KIAA0586: variants seen among roughly 807,000 people sequenced by gnomAD.
KIAA0586 encodes the protein KIAA0586.
In KIAA0586, 144 loss-of-function variants were observed where a neutral mutation model predicts 169.8. The observed-to-expected ratio is 0.85, with a 90% confidence interval of 0.74 to 0.97. The LOEUF is 0.97. KIAA0586 is among the 50% of genes least tolerant of loss of function. The pLI, the probability that KIAA0586 is intolerant of heterozygous loss-of-function variation, is 0.00. For missense variants in KIAA0586, 1,854 were observed against 1,823.0 expected (o/e 1.02, Z -0.31); for synonymous variants, 625 against 612.4 (o/e 1.02, Z -0.30).
At chr14:58,526,118 C>T (rs898182863) in intron 29 of KIAA0586, among the ~76,000 whole-genome samples, 5 of 152,210 alleles carry the variant, frequency 3.3e-5, no homozygotes, top group East Asian at 3.9e-4. Context: ...TGGGAAGGGG[C>T]GGCTGTGGGT....
chr14:58,465,097 C>T (rs2040642541), intron 14 of KIAA0586, among the ~76,000 whole-genome samples: 1 of 152,090 alleles, frequency 6.6e-6, no homozygotes, highest in Admixed American at 6.6e-5. Flanking sequence ...TTTTTAAATA[C>T]TTATGAATTG....
At chr14:58,540,240 T>C in intron 30 of KIAA0586, 104 bp downstream of exon 30, 3 of 632,166 alleles carry the variant, frequency 4.7e-6, no homozygotes, top group South Asian at 4.5e-5. Context: ...GAAATACTAA[T>C]AGCAATTTTT....
intron 29 of KIAA0586, among the ~76,000 whole-genome samples, chr14:58,514,211 T>A (rs929569185): frequency 1.3e-5 from 2 of 152,110 alleles, no homozygotes; most frequent in Non-Finnish European, 2.9e-5. Flanking sequence ...GTGGGTTTTA[T>A]TATTTTTTTT....
At chr14:58,497,617 C>T (rs1268865021) in intron 26 of KIAA0586, among the ~76,000 whole-genome samples, 1 of 151,814 alleles carries the variant, frequency 6.6e-6, no homozygotes, top group East Asian at 1.9e-4. Context: ...CCCGCCTTGA[C>T]CTCCCAAAGT....
At chr14:58,533,770 TA>T (rs1211401313) in intron 29 of KIAA0586, among the ~76,000 whole-genome samples, 1 of 152,192 alleles carries the variant, frequency 6.6e-6, no homozygotes, top group African/African-American at 2.4e-5. Context: ...GACTGGCCCT[TA>T]TTCCCACTGG....
chr14:58,532,616 A>G (rs1259024207), intron 29 of KIAA0586, among the ~76,000 whole-genome samples: 1 of 152,234 alleles, frequency 6.6e-6, no homozygotes. Context: ...ATATAATTAC[A>G]AAATATTTTT....
chr14:58,459,846 G>C lies in KIAA0586; in HGVS notation c.1660G>C (p.Glu554Gln), dbSNP rs1009933793. 1 of 1,500,822 alleles carries C rather than the reference G, an allele frequency of 6.7e-7. No individual in the cohort carries two copies. Among genetic ancestry groups the C allele is most frequent in the South Asian group, 1.3e-5 (1 of 78,630 alleles). The allele number at this position is 1,500,822 out of a possible 1,614,324, so 93.0% of individuals were successfully genotyped here. The change falls in exon 13 of 31, where the codon GAA becomes CAA. Residue 554 changes from glutamate (E) to glutamine (Q), a missense_variant. By Grantham distance (29) the Glu-to-Gln change is conservative. Transcript: ENST00000652326. ...IKTISAEIQDELSRTDYEQKR... is the reference protein window; with the variant it reads ...IKTISAEIQDQLSRTDYEQKR... The stretch of plus-strand genomic sequence containing the variant: ...TTTTAACTTTGGTTATGTTAAGGAT[G>C]AACTGTCAAGAACAGATTATGAACA...
intron 4 of KIAA0586, among the ~76,000 whole-genome samples, chr14:58,434,481 A>G (rs2037646111): frequency 6.6e-6 from 1 of 152,228 alleles, no homozygotes; most frequent in Non-Finnish European, 1.5e-5. Context: ...TCTGCTCCAG[A>G]GCAATGAAAA....
intron 30 of KIAA0586, among the ~76,000 whole-genome samples, chr14:58,544,817 T>G (rs1355820082): frequency 6.6e-6 from 1 of 152,264 alleles, no homozygotes; most frequent in Non-Finnish European, 1.5e-5. Context: ...TTCACAGGAC[T>G]TGGCCCTGGC....
chr14:58,442,772 G>C lies in KIAA0586; in HGVS notation c.477G>C (p.Lys159Asn). The change falls in exon 5 of 31, where the codon AAG (lysine) becomes AAC (asparagine). Residue 159 changes from lysine to asparagine, a missense_variant. Physicochemically the swap from Lys to Asn is moderately conservative, Grantham distance 94. Coordinates refer to ENST00000652326, the MANE Select transcript of KIAA0586 (RefSeq NM_001329943.3). ...TGTTAGAAGATGCAGGCATAGAGAA[G>C]GATGCTGTTACTCAGGAGACTAGAA... ...VHLLEDAGIE[K>N]DAVTQETRIS... is the part of the protein sequence containing the mutation. The C allele has an allele frequency of 2.5e-6, 4 of 1,600,658 alleles. No individual in the cohort carries two copies. Among genetic ancestry groups the C allele is most frequent in the Non-Finnish European group, 3.4e-6 (4 of 1,172,696 alleles).
intron 26 of KIAA0586, 112 bp downstream of exon 26, chr14:58,492,387 A>G (rs2042893050): frequency 2.5e-6 from 2 of 801,986 alleles, no homozygotes; most frequent in Non-Finnish European, 3.8e-6. Flanking sequence ...TTCAAGGGTC[A>G]GTGTTACAGC....
At chr14:58,509,399 A>C (rs566648903) in intron 28 of KIAA0586, among the ~76,000 whole-genome samples, 40 of 152,314 alleles carry the variant, frequency 2.6e-4, no homozygotes, top group Admixed American at 8.5e-4. Flanking sequence ...AATGTATTGC[A>C]TAAGAAATTT....
At chr14:58,543,451 C>T (rs1257429949) in intron 30 of KIAA0586, among the ~76,000 whole-genome samples, 10 of 152,140 alleles carry the variant, frequency 6.6e-5, no homozygotes, top group Admixed American at 5.9e-4. Context: ...CAGTTGATAT[C>T]TGTTGGATGG....
intron 4 of KIAA0586, chr14:58,439,939 C>G (rs992149998): frequency 2.5e-6 from 1 of 406,766 alleles, no homozygotes; most frequent in African/African-American, 2.2e-5. Flanking sequence ...AAATACCGAG[C>G]AAATTGGCTA....
rs985058763 is a variant in KIAA0586, at chr14:58,548,336, G to C, written c.*404G>C. The C allele has an allele frequency of 6.4e-5, 10 of 156,848 alleles. No individual in the cohort carries two copies. Among genetic ancestry groups the C allele is most frequent in the African/African-American group, 2.4e-4 (10 of 41,390 alleles). 9.7% of individuals were successfully genotyped at this position (156,848 alleles called of 1,614,324 possible). ...AATAATAGACTGGTTTTAAAGTGAT[G>C]GTACATCAGTACAATGGAATACTAT... On this transcript the variant is annotated 3_prime_UTR_variant, in exon 31 of 31. Transcript: ENST00000652326.
At chr14:58,494,850 G>A (rs1442357799) in intron 26 of KIAA0586, among the ~76,000 whole-genome samples, 1 of 152,132 alleles carries the variant, frequency 6.6e-6, no homozygotes, top group Non-Finnish European at 1.5e-5. Context: ...TTACTCTGGG[G>A]CGCCAGCATT....
chr14:58,521,364 G>T, intron 29 of KIAA0586: 1 of 975,110 alleles, frequency 1.0e-6, no homozygotes, highest in Non-Finnish European at 1.6e-6. Context: ...GGGCTGCTCT[G>T]TTCATAAGGG....
At chr14:58,482,491 G>A in intron 20 of KIAA0586, 22 bp from the exon 21 acceptor site, 1 of 1,425,664 alleles carries the variant, frequency 7.0e-7, no homozygotes, top group Non-Finnish European at 9.3e-7. Context: ...CACTTATTCT[G>A]ATTTTTTTTT....
Position 58,477,165 on chromosome 14 carries a change from T to C in KIAA0586, c.2868T>C (p.Phe956=). The C allele has an allele frequency of 1.3e-6, 2 of 1,582,452 alleles. No individual in the cohort carries two copies. The highest frequency in any genetic ancestry group is 1.7e-6 in the Non-Finnish European group (2 of 1,162,170). The change falls in exon 20 of 31, where the codon TTT becomes TTC. Residue 956 remains phenylalanine, a synonymous_variant. Coordinates refer to ENST00000652326, the MANE Select transcript of KIAA0586 (RefSeq NM_001329943.3). ...EIMSRIISGL[F]PVQQQIAPSI... is the part of the protein sequence containing the mutation. ...TGTCAAGAATTATCTCTGGGCTCTT[T>C]CCAGTCCAGCAACAGATTGCACCTA... is the stretch of plus-strand genomic sequence containing the variant.
Sources: allele counts gnomAD v4.1 joint callset (sites outside exome capture counted in the v4.1 genomes callset), GRCh38; gene constraint gnomAD v4.1.1; transcripts MANE v1.5; gene names NCBI Gene and HGNC (gene_info 2026-07-23, HGNC 2026-07-21).